The following ITPR1 variants were observed in gnomAD, a reference collection of about 807,000 sequenced individuals.
ITPR1 encodes inositol 1,4,5-trisphosphate-gated calcium channel ITPR1.
A neutral mutation model predicts 318.4 loss-of-function variants in ITPR1; 96 were observed. That is an observed-to-expected ratio of 0.30 (90% CI 0.26 to 0.36). The LOEUF is 0.36. Ranked by LOEUF, ITPR1 falls within the 10% of genes least tolerant of loss-of-function variation. The pLI, the probability that ITPR1 is intolerant of heterozygous loss-of-function variation, is 1.00. For missense variants in ITPR1, 2,440 were observed against 3,460.2 expected (o/e 0.71, Z 7.40); for synonymous variants, 1,312 against 1,289.9 (o/e 1.02, Z -0.37).
chr3:4,562,820 C>A (rs1354610142), intron 4 of ITPR1, among the ~76,000 whole-genome samples: 1 of 151,758 alleles, frequency 6.6e-6, no homozygotes, highest in East Asian at 1.9e-4. Context: ...AGTCTCTGCC[C>A]CCATAGAACT....
intron 4 of ITPR1, among the ~76,000 whole-genome samples, chr3:4,530,168 A>G (rs1343092109): frequency 1.3e-5 from 2 of 152,202 alleles, no homozygotes; most frequent in East Asian, 1.9e-4. Flanking sequence ...CTAACCGCCT[A>G]CTTAACAATC....
chr3:4,597,108 A>G (rs1050641711), intron 4 of ITPR1, among the ~76,000 whole-genome samples: 2 of 152,216 alleles, frequency 1.3e-5, no homozygotes, highest in Non-Finnish European at 2.9e-5. Context: ...ATGCAGAAAT[A>G]TGAGCCCCGT....
At chr3:4,758,053 T>C (rs1212916254) in intron 44 of ITPR1, among the ~76,000 whole-genome samples, 4 of 152,182 alleles carry the variant, frequency 2.6e-5, no homozygotes, top group African/African-American at 9.7e-5. Context: ...AACTCAAGCT[T>C]TGGCTCACTG....
intron 4 of ITPR1, among the ~76,000 whole-genome samples, chr3:4,620,686 T>A (rs969786606): frequency 1.3e-5 from 2 of 148,990 alleles, no homozygotes; most frequent in East Asian, 2.0e-4. Flanking sequence ...GTGGGTTTTT[T>A]TTTTTTTTTT....
intron 4 of ITPR1, among the ~76,000 whole-genome samples, chr3:4,539,381 G>T (rs907149260): frequency 2.0e-5 from 3 of 152,126 alleles, no homozygotes; most frequent in Non-Finnish European, 4.4e-5. Context: ...GTGCTTGAAA[G>T]AATATATATA....
At chr3:4,531,669 A>C (rs78966757) in intron 4 of ITPR1, among the ~76,000 whole-genome samples, 4,495 of 152,210 alleles carry the variant, frequency 0.03, 220 homozygotes, top group African/African-American at 0.1. Context: ...TGGCAGTCAG[A>C]ATACTTGCTC....
intron 42 of ITPR1, among the ~76,000 whole-genome samples, chr3:4,730,937 TCAAA>T (rs1196836532): frequency 1.3e-5 from 2 of 152,126 alleles, no homozygotes; most frequent in African/African-American, 4.8e-5. Context: ...CATCTAGCGC[TCAAA>T]CAATGTTCTC....
intron 19 of ITPR1, among the ~76,000 whole-genome samples, chr3:4,670,472 C>T (rs2094051278): frequency 1.3e-5 from 2 of 152,184 alleles, no homozygotes; most frequent in African/African-American, 4.8e-5. Context: ...GCCAGTAGCA[C>T]CTCTCCATTT....
chr3:4,832,238 T>G (rs890798630), intron 60 of ITPR1, among the ~76,000 whole-genome samples: 4 of 152,170 alleles, frequency 2.6e-5, no homozygotes, highest in African/African-American at 9.7e-5. Flanking sequence ...AGACTCTGTG[T>G]GGTGGTGATT....
chr3:4,573,784 G>A (rs1042853783), intron 4 of ITPR1, among the ~76,000 whole-genome samples: 2 of 152,160 alleles, frequency 1.3e-5, no homozygotes, highest in African/African-American at 4.8e-5. Flanking sequence ...GGTACTCACT[G>A]TCAACTTTTT....
At chr3:4,604,725 A>C (rs1188914687) in intron 4 of ITPR1, among the ~76,000 whole-genome samples, 6 of 152,090 alleles carry the variant, frequency 3.9e-5, no homozygotes, top group African/African-American at 9.7e-5. Context: ...GATCTGCAGT[A>C]GTTGGGGAGG....
intron 2 of ITPR1, among the ~76,000 whole-genome samples, chr3:4,509,862 C>T (rs75386266): frequency 0.01 from 1,577 of 152,288 alleles, 28 homozygotes; most frequent in African/African-American, 0.036. Context: ...TGACATTGAA[C>T]CCATATTTGA....
At chr3:4,582,675 G>T (rs141109012) in intron 4 of ITPR1, among the ~76,000 whole-genome samples, 8 of 152,320 alleles carry the variant, frequency 5.3e-5, no homozygotes, top group African/African-American at 1.7e-4. Flanking sequence ...TTCTTTCTAA[G>T]CCTCTTAACC....
At chr3:4,816,181 A>C (rs1329389471) in intron 59 of ITPR1, 1 of 152,196 alleles carries the variant, frequency 6.6e-6, no homozygotes, top group African/African-American at 2.4e-5. Flanking sequence ...ACCTTATTCA[A>C]ATTTCACCCT....
intron 17 of ITPR1, among the ~76,000 whole-genome samples, chr3:4,665,683 T>C (rs1292944205): frequency 1.3e-5 from 2 of 152,088 alleles, no homozygotes; most frequent in African/African-American, 4.8e-5. Context: ...AAACATGATC[T>C]TTATTTTGTT....
chr3:4,623,276 C>T (rs1176629745), intron 4 of ITPR1, among the ~76,000 whole-genome samples: 1 of 152,218 alleles, frequency 6.6e-6, no homozygotes, highest in African/African-American at 2.4e-5. Context: ...TGTCTGGCTT[C>T]TAGCCCACCC....
rs1433631130 is a variant in ITPR1 at position 4,717,353 on chromosome 3, T to G, written c.5104-14T>G. On this transcript the variant is annotated splice_polypyrimidine_tract_variant and intron_variant, in intron 39 of 61. Coordinates refer to ENST00000649015, the MANE Select transcript of ITPR1 (RefSeq NM_001378452.1). ...ACATTTCCTTCTCTCTCTCTCCCCT[T>G]TTTTCTTTTCCAGCTAATTTCCATT... 2 of 1,588,858 alleles carry G rather than the reference T, an allele frequency of 1.3e-6. No individual in the cohort carries two copies. The highest frequency in any genetic ancestry group is 1.7e-6 in the Non-Finnish European group (2 of 1,170,290).
At position 4,713,121 on chromosome 3, in the gene ITPR1, A is replaced by G. The variant is rs552653046; in HGVS notation, c.5103+1253A>G. Reference sequence around the variant, plus strand: ...GTACGGGGGAAGGCTGATGGCAGAGAATACACTTACCAGACAAATAAATAT... The same window carrying G: ...GTACGGGGGAAGGCTGATGGCAGAGGATACACTTACCAGACAAATAAATAT... On this transcript the variant is annotated intron_variant, in intron 39 of 61. Transcript: ENST00000649015. 5.9e-5 allele frequency among the ~76,000 whole-genome samples: 9 copies of G among 152,346 alleles called. No individual in the cohort carries two copies. In the South Asian group the frequency reaches 1.9e-3, roughly 32 times the overall value.
At chr3:4,587,061 A>G (rs1246690153) in intron 4 of ITPR1, among the ~76,000 whole-genome samples, 1 of 152,154 alleles carries the variant, frequency 6.6e-6, no homozygotes, top group African/African-American at 2.4e-5. Flanking sequence ...AGACTCGGGA[A>G]TAAATATTTT....
Sources: gnomAD v4.1 joint callset for allele counts (sites outside exome capture counted in the v4.1 genomes callset) on GRCh38, gnomAD v4.1.1 for gene constraint, MANE v1.5 for transcripts, NCBI Gene and HGNC (gene_info 2026-07-23, HGNC 2026-07-21) for gene names.